Variants in MAGI2 observed in about 807,000 individuals in gnomAD.
MAGI2 encodes the protein membrane associated guanylate kinase, WW and PDZ domain containing 2, also known as membrane-associated guanylate kinase, WW and PDZ domain-containing protein 2.
A neutral mutation model predicts 133.3 loss-of-function variants in MAGI2; 35 were observed. That is an observed-to-expected ratio of 0.26 (90% CI 0.20 to 0.35). The LOEUF is 0.35. MAGI2 is among the 10% of genes least tolerant of loss of function. MAGI2 has a pLI of 1.00. For missense variants in MAGI2, 1,636 were observed against 1,863.4 expected, an observed-to-expected ratio of 0.88 and a Z score of 2.25; for synonymous variants, 729 against 710.6, an observed-to-expected ratio of 1.03 and a Z score of -0.41.
intron 2 of MAGI2, among the ~76,000 whole-genome samples, chr7:78,639,346 AT>A (rs57686246): frequency 0.048 from 7,275 of 151,968 alleles, 278 homozygotes; most frequent in African/African-American, 0.1. Flanking sequence ...GTGATCAACT[AT>A]TTTTTTTATT....
chr7:79,294,201 AAG>A (rs1836731307), intron 1 of MAGI2, among the ~76,000 whole-genome samples: 1 of 151,844 alleles, frequency 6.6e-6, no homozygotes, highest in Non-Finnish European at 1.5e-5. Flanking sequence ...AAAAAGGAAA[AAG>A]AAAATAATGA....
At chr7:78,297,591 A>G (rs1436630871) in intron 9 of MAGI2, among the ~76,000 whole-genome samples, 1 of 150,794 alleles carries the variant, frequency 6.6e-6, no homozygotes, top group Non-Finnish European at 1.5e-5. Context: ...AATGTCCAAC[A>G]ATGATAGACT....
intron 6 of MAGI2, among the ~76,000 whole-genome samples, chr7:78,477,330 T>C (rs1254348232): frequency 6.6e-6 from 1 of 152,038 alleles, no homozygotes; most frequent in Non-Finnish European, 1.5e-5. Flanking sequence ...AAGCTAATTC[T>C]TTTTTAAAAT....
chr7:78,419,762 A>G (rs2151399164), intron 6 of MAGI2, among the ~76,000 whole-genome samples: 1 of 152,250 alleles, frequency 6.6e-6, no homozygotes, highest in South Asian at 2.1e-4. Flanking sequence ...TTTGATGTAT[A>G]CTATCAGAAA....
intron 1 of MAGI2, among the ~76,000 whole-genome samples, chr7:79,344,685 CT>C (rs1841176733): frequency 6.6e-6 from 1 of 152,082 alleles, no homozygotes; most frequent in Non-Finnish European, 1.5e-5. Context: ...GGCAGGGATG[CT>C]TTGGTGGATG....
intron 1 of MAGI2, among the ~76,000 whole-genome samples, chr7:79,403,222 T>G (rs1845589102): frequency 6.6e-6 from 1 of 152,154 alleles, no homozygotes; most frequent in Non-Finnish European, 1.5e-5. Context: ...GCCCAAAAGT[T>G]TTTTGTTTTC....
chr7:78,373,188 C>A lies in MAGI2; in HGVS notation c.1046-3975G>T, dbSNP rs1037530075. On this transcript the variant is annotated intron_variant, in intron 6 of 21. Transcript: ENST00000354212. Reference sequence around the variant, plus strand: ...AGTGGACAGATATTCAATAAAGTAGCTGACAAGTACCCTTAGAAAGGGTCA... The same window carrying A: ...AGTGGACAGATATTCAATAAAGTAGATGACAAGTACCCTTAGAAAGGGTCA... 9.2e-5 allele frequency among the ~76,000 whole-genome samples: 14 copies of A among 152,162 alleles called. 1 individual carries two copies. In the East Asian group the frequency reaches 2.7e-3, roughly 29 times the overall value.
chr7:79,405,452 T>C (rs946569130), intron 1 of MAGI2, among the ~76,000 whole-genome samples: 2 of 152,132 alleles, frequency 1.3e-5, no homozygotes, highest in Non-Finnish European at 2.9e-5. Flanking sequence ...AATTCCATAG[T>C]GTATAATTCA....
intron 9 of MAGI2, among the ~76,000 whole-genome samples, chr7:78,331,986 A>G (rs933410610): frequency 7.9e-5 from 12 of 152,244 alleles, no homozygotes; most frequent in Admixed American, 2.6e-4. Flanking sequence ...TTACTGTGTG[A>G]CTAATCCAAA....
chr7:79,210,203 G>A (rs1008389647), intron 1 of MAGI2, among the ~76,000 whole-genome samples: 5 of 152,024 alleles, frequency 3.3e-5, no homozygotes, highest in African/African-American at 1.2e-4. Flanking sequence ...AAATGGATGA[G>A]TGTGACAGAA....
chr7:78,674,906 C>T (rs992631800), intron 2 of MAGI2, among the ~76,000 whole-genome samples: 2 of 151,994 alleles, frequency 1.3e-5, no homozygotes, highest in South Asian at 4.2e-4. Flanking sequence ...TTTGGCATTC[C>T]TGAAATATAA....
chr7:78,057,444 A>T (rs1812704969), intron 21 of MAGI2, among the ~76,000 whole-genome samples: 1 of 152,062 alleles, frequency 6.6e-6, no homozygotes, highest in South Asian at 2.1e-4. Context: ...GGGTTTCACC[A>T]TGTTGGCCAG....
chr7:78,840,075 G>C (rs1383302137), intron 2 of MAGI2, among the ~76,000 whole-genome samples: 2 of 151,856 alleles, frequency 1.3e-5, no homozygotes, highest in Non-Finnish European at 2.9e-5. Context: ...TAGTAATTTT[G>C]TTTAGTTCAC....
chr7:78,922,163 A>ATT (rs11354671), intron 2 of MAGI2, among the ~76,000 whole-genome samples: 18 of 142,050 alleles, frequency 1.3e-4, no homozygotes, highest in African/African-American at 4.4e-4. Flanking sequence ...TTTATTTTTT[A>ATT]TTTTTTTTTT....
intron 5 of MAGI2, among the ~76,000 whole-genome samples, chr7:78,500,562 A>C (rs1327628712): frequency 6.6e-6 from 1 of 152,216 alleles, no homozygotes; most frequent in Non-Finnish European, 1.5e-5. Flanking sequence ...AAAGAAAAGA[A>C]AAGCCTGACA....
chr7:79,114,710 C>A (rs1379935238), intron 1 of MAGI2, among the ~76,000 whole-genome samples: 1 of 152,088 alleles, frequency 6.6e-6, no homozygotes, highest in Non-Finnish European at 1.5e-5. Context: ...ATGATACATA[C>A]CATTTGGATT....
chr7:78,477,651 G>A (rs1411199743), intron 6 of MAGI2, among the ~76,000 whole-genome samples: 1 of 151,830 alleles, frequency 6.6e-6, no homozygotes, highest in Non-Finnish European at 1.5e-5. Context: ...TCACTACCAG[G>A]AGAACAGTTT....
At chr7:79,277,509 A>G (rs923860218) in intron 1 of MAGI2, among the ~76,000 whole-genome samples, 3 of 152,136 alleles carry the variant, frequency 2.0e-5, no homozygotes, top group African/African-American at 7.2e-5. Flanking sequence ...GTATTCATTT[A>G]TTCAACATAT....
At chr7:78,030,309 G>A (rs976240716) in intron 21 of MAGI2, among the ~76,000 whole-genome samples, 2 of 152,150 alleles carry the variant, frequency 1.3e-5, no homozygotes, top group African/African-American at 4.8e-5. Flanking sequence ...CTGTCACCAG[G>A]CTGGAGTGCA....
Sources: allele counts gnomAD v4.1 joint callset (sites outside exome capture counted in the v4.1 genomes callset), GRCh38; gene constraint gnomAD v4.1.1; transcripts MANE v1.5; gene names NCBI Gene and HGNC (gene_info 2026-07-23, HGNC 2026-07-21).